Variants in DLGAP2 observed in about 807,000 individuals in gnomAD.
DLGAP2 encodes disks large-associated protein 2.
A neutral mutation model predicts 100.3 loss-of-function variants in DLGAP2; 26 were observed. The ratio of observed to expected loss-of-function variants is 0.26; its 90% confidence interval spans 0.19 to 0.36. The LOEUF (loss-of-function observed/expected upper bound fraction) is 0.36. DLGAP2 is among the 10% of genes least tolerant of loss of function. The probability of loss-of-function intolerance (pLI) is 1.00; values close to 1 mark genes in which losing one functional copy is unlikely to be tolerated. For missense variants in DLGAP2, 1,858 were observed against 1,453.2 expected (o/e 1.28, Z -4.53); for synonymous variants, 886 against 630.1 (o/e 1.41, Z -6.08).
chr8:1,542,043 C>G (rs1473546398), intron 4 of DLGAP2, among the ~76,000 whole-genome samples: 1 of 152,216 alleles, frequency 6.6e-6, no homozygotes, highest in Non-Finnish European at 1.5e-5. Context: ...CAGCTTCAGC[C>G]ACATTCTTTG....
chr8:860,099 G>C (rs1257008582), intron 1 of DLGAP2, among the ~76,000 whole-genome samples: 1 of 152,172 alleles, frequency 6.6e-6, no homozygotes. Flanking sequence ...AAATAAGAAG[G>C]ATAAATATTT....
intron 3 of DLGAP2, among the ~76,000 whole-genome samples, chr8:1,360,172 G>A (rs1342235917): frequency 6.6e-6 from 1 of 150,740 alleles, no homozygotes; most frequent in East Asian, 2.0e-4. Flanking sequence ...AAGGGTTAGC[G>A]ACTCCTGCTG....
chr8:1,582,599 TC>T (rs199515816), intron 6 of DLGAP2, among the ~76,000 whole-genome samples: 1 of 151,700 alleles, frequency 6.6e-6, no homozygotes, highest in Non-Finnish European at 1.5e-5. Context: ...TCTTTTCTTT[TC>T]CCCCGCCAAG....
rs75622222 is a variant in DLGAP2, at chr8:1,606,251, C to A, written c.1443-20489C>A. 9.2e-3 allele frequency among the ~76,000 whole-genome samples: 1,394 copies of A among 152,242 alleles called. 24 individuals are homozygous for A. The highest frequency in any genetic ancestry group is 0.032 in the African/African-American group (1,321 of 41,512). Reference sequence around the variant, plus strand: ...AGTGCTCTTCGTATCTTATTTTCCTCCTTTATTGAGTTATGATTTAAGAAC... The same window carrying A: ...AGTGCTCTTCGTATCTTATTTTCCTACTTTATTGAGTTATGATTTAAGAAC... On this transcript the variant is annotated intron_variant, in intron 6 of 14. Transcript: ENST00000637795.
chr8:1,266,976 C>A (rs1477845581), intron 3 of DLGAP2, among the ~76,000 whole-genome samples: 1 of 151,672 alleles, frequency 6.6e-6, no homozygotes, highest in Non-Finnish European at 1.5e-5. Flanking sequence ...CGCCTATAAT[C>A]CCAGCACATT....
intron 2 of DLGAP2, among the ~76,000 whole-genome samples, chr8:1,257,511 A>T (rs1799251120): frequency 1.2e-5 from 1 of 85,086 alleles, no homozygotes; most frequent in East Asian, 3.4e-4. Context: ...CTTTCCTGGG[A>T]CGTCTGTGCT....
At chr8:749,217 T>A (rs1820728158) in intron 1 of DLGAP2, among the ~76,000 whole-genome samples, 1 of 152,192 alleles carries the variant, frequency 6.6e-6, no homozygotes, top group Admixed American at 6.5e-5. Flanking sequence ...TCTCAAACTC[T>A]TGGGTTCAAG....
At chr8:1,257,693 T>C (rs58145582) in intron 2 of DLGAP2, among the ~76,000 whole-genome samples, 7,249 of 151,154 alleles carry the variant, frequency 0.048, 608 homozygotes, top group African/African-American at 0.17. Context: ...TGCAGGCCAG[T>C]GCTGGCGTGG....
chr8:1,106,613 G>A (rs1370993484), intron 2 of DLGAP2, among the ~76,000 whole-genome samples: 1 of 150,318 alleles, frequency 6.7e-6, no homozygotes, highest in East Asian at 2.0e-4. Context: ...AGCCATTCTA[G>A]GAGGGTTTTC....
chr8:1,169,556 A>T (rs1261409331), intron 2 of DLGAP2, among the ~76,000 whole-genome samples: 1 of 152,032 alleles, frequency 6.6e-6, no homozygotes, highest in Admixed American at 6.6e-5. Context: ...CTTTAATTTC[A>T]CTGAGCAGTG....
intron 1 of DLGAP2, among the ~76,000 whole-genome samples, chr8:812,003 G>T (rs1796379556): frequency 6.6e-6 from 1 of 152,272 alleles, no homozygotes; most frequent in African/African-American, 2.4e-5. Flanking sequence ...AGGACATGGG[G>T]TGGTGAGGCT....
At chr8:905,181 G>A (rs1198781161) in intron 1 of DLGAP2, among the ~76,000 whole-genome samples, 1 of 152,192 alleles carries the variant, frequency 6.6e-6, no homozygotes, top group African/African-American at 2.4e-5. Context: ...GCTACCTGGC[G>A]GGTTCAAGGA....
intron 3 of DLGAP2, among the ~76,000 whole-genome samples, chr8:1,279,755 T>G (rs1394287719): frequency 6.6e-6 from 1 of 152,190 alleles, no homozygotes; most frequent in East Asian, 1.9e-4. Context: ...TGGCAGCTGC[T>G]TCAAAGCCAG....
chr8:1,590,972 T>C (rs1465224801), intron 6 of DLGAP2, among the ~76,000 whole-genome samples: 1 of 152,224 alleles, frequency 6.6e-6, no homozygotes, highest in Non-Finnish European at 1.5e-5. Flanking sequence ...GCAAAACATA[T>C]GTGCTTCTAG....
intron 2 of DLGAP2, among the ~76,000 whole-genome samples, chr8:1,165,445 C>T (rs898611098): frequency 2.1e-4 from 32 of 152,326 alleles, no homozygotes; most frequent in Admixed American, 7.2e-4. Flanking sequence ...TCAAAGTGTG[C>T]ATGTGTGTCT....
At chr8:933,306 G>C (rs914669572) in intron 2 of DLGAP2, among the ~76,000 whole-genome samples, 1 of 152,290 alleles carries the variant, frequency 6.6e-6, no homozygotes, top group Admixed American at 6.5e-5. Flanking sequence ...CCATGGTCCC[G>C]GGGGTGAGGG....
At chr8:1,059,313 T>C (rs2123060) in intron 2 of DLGAP2, among the ~76,000 whole-genome samples, 68,091 of 151,720 alleles carry the variant, frequency 0.45, 16,252 homozygotes, top group African/African-American at 0.61. Context: ...ATCCCCTGGG[T>C]ATGGACTCTC....
intron 1 of DLGAP2, among the ~76,000 whole-genome samples, chr8:882,918 G>A (rs1303972981): frequency 6.6e-6 from 1 of 152,224 alleles, no homozygotes; most frequent in Admixed American, 6.5e-5. Flanking sequence ...TCTCTGCATC[G>A]GTCTGGGCAT....
At chr8:920,007 T>C (rs1798675060) in intron 2 of DLGAP2, among the ~76,000 whole-genome samples, 1 of 152,170 alleles carries the variant, frequency 6.6e-6, no homozygotes, top group African/African-American at 2.4e-5. Context: ...CTGGAGCTCA[T>C]GCCCAGCAGG....
Sources: allele counts gnomAD v4.1 joint callset (sites outside exome capture counted in the v4.1 genomes callset), GRCh38; gene constraint gnomAD v4.1.1; transcripts MANE v1.5; gene names NCBI Gene and HGNC (gene_info 2026-07-23, HGNC 2026-07-21).